Variants in SHTN1 observed in about 807,000 individuals in gnomAD.
SHTN1 encodes shootin-1.
A neutral mutation model predicts 83.1 loss-of-function variants in SHTN1; 42 were observed. The ratio of observed to expected loss-of-function variants is 0.51; its 90% CI spans 0.39 to 0.65. SHTN1 has a LOEUF of 0.65. Among genes scored for constraint, SHTN1 ranks in the 30% least tolerant of loss-of-function variants. The pLI, the probability that SHTN1 is intolerant of heterozygous loss-of-function variation, is 0.00. For synonymous variants in SHTN1, 224 were observed against 247.7 expected (o/e 0.90, Z 0.90); for missense variants, 622 against 737.8 (o/e 0.84, Z 1.82).
chr10:117,054,071 C>T (rs1452424571), intron 1 of SHTN1, among the ~76,000 whole-genome samples: 1 of 152,080 alleles, frequency 6.6e-6, no homozygotes, highest in Non-Finnish European at 1.5e-5. Context: ...TTAGTGATTG[C>T]CAGTGCAAAC....
chr10:116,974,049 T>C (rs542549595), intron 2 of SHTN1: 2 of 1,062,142 alleles, frequency 1.9e-6, no homozygotes, highest in South Asian at 2.8e-5. Flanking sequence ...TCTTTCTCTT[T>C]TGGTGTTCTT....
intron 1 of SHTN1, among the ~76,000 whole-genome samples, chr10:117,001,150 C>G (rs1851811725): frequency 6.6e-6 from 1 of 151,774 alleles, no homozygotes; most frequent in Non-Finnish European, 1.5e-5. Context: ...AGATGTCAAT[C>G]AGTCCAATAA....
rs1466074683 is a variant in SHTN1, at chr10:117,004,943, T to C, written c.58+79A>G. On this transcript the variant is annotated intron_variant, in intron 1 of 16. Coordinates refer to ENST00000355371, the MANE Select transcript of SHTN1 (RefSeq NM_001127211.3). ...CCACGTCTCCCGCCCGGCTTCCAAC[T>C]GCCCTGGCCCCAGCGCCCTGGGGCC... is the stretch of plus-strand genomic sequence containing the variant. 8.2e-6 allele frequency: 11 copies of C among 1,335,944 alleles called. No homozygotes were observed. In the East Asian group the frequency reaches 2.9e-4, roughly 35 times the overall value. The allele number at this position is 1,335,944 out of a possible 1,614,324, so 82.8% of individuals were successfully genotyped here.
At chr10:116,938,550 AAGG>A (rs1849252709) in intron 9 of SHTN1, among the ~76,000 whole-genome samples, 1 of 152,204 alleles carries the variant, frequency 6.6e-6, no homozygotes, top group African/African-American at 2.4e-5. Context: ...TTCATCCCAG[AAGG>A]GCACCTGCCA....
chr10:116,976,040 T>C (rs899535646), intron 2 of SHTN1, among the ~76,000 whole-genome samples: 2 of 152,216 alleles, frequency 1.3e-5, no homozygotes, highest in South Asian at 4.1e-4. Context: ...ACTGTTCACC[T>C]GCTTCTAAAA....
intron 1 of SHTN1, among the ~76,000 whole-genome samples, chr10:117,104,992 AC>A (rs1439408392): frequency 6.6e-6 from 1 of 151,664 alleles, no homozygotes; most frequent in Non-Finnish European, 1.5e-5. Flanking sequence ...TTTGATCACC[AC>A]CACACACCAC....
At chr10:116,908,730 G>A (rs1848072433) in intron 14 of SHTN1, among the ~76,000 whole-genome samples, 1 of 152,140 alleles carries the variant, frequency 6.6e-6, no homozygotes, top group Non-Finnish European at 1.5e-5. Flanking sequence ...TTTTATTGAT[G>A]AATGTATCTT....
intron 3 of SHTN1, among the ~76,000 whole-genome samples, chr10:116,963,238 AT>A (rs1356106337): frequency 1.3e-5 from 2 of 149,246 alleles, no homozygotes; most frequent in Non-Finnish European, 3.0e-5. Flanking sequence ...CGCCCGGCTA[AT>A]TTTTTTGTAT....
chr10:116,982,397 C>T (rs572972950), intron 1 of SHTN1, among the ~76,000 whole-genome samples: 17 of 152,212 alleles, frequency 1.1e-4, no homozygotes, highest in African/African-American at 4.1e-4. Flanking sequence ...AGCTCACTAC[C>T]ATAAACAACA....
At position 116,886,298 on chromosome 10, in the gene SHTN1, C is replaced by T. The variant is rs1309525997; in HGVS notation, c.*46G>A. 2 of 1,551,050 alleles carry T rather than the reference C, an allele frequency of 1.3e-6. No individual in the cohort carries two copies. Among genetic ancestry groups the T allele is most frequent in the Admixed American group, 2.0e-5 (1 of 50,928 alleles). On this transcript the variant is annotated 3_prime_UTR_variant, in exon 17 of 17. Transcript: ENST00000355371. ...CCAATATAACAACACTAATCATGTG[C>T]TTATTGAAAAGGACTTCCAAACATG...
chr10:116,960,615 T>C (rs1320532126), intron 3 of SHTN1, among the ~76,000 whole-genome samples: 1 of 152,112 alleles, frequency 6.6e-6, no homozygotes, highest in African/African-American at 2.4e-5. Context: ...TTCTCAGCAG[T>C]GTATAACACA....
chr10:116,937,432 G>T (rs979026156), intron 9 of SHTN1, among the ~76,000 whole-genome samples: 12 of 152,092 alleles, frequency 7.9e-5, no homozygotes, highest in African/African-American at 2.7e-4. Context: ...GCTTAGTTTG[G>T]CTGGATATGA....
chr10:116,920,132 T>C (rs1397447368), intron 12 of SHTN1, among the ~76,000 whole-genome samples: 3 of 152,132 alleles, frequency 2.0e-5, no homozygotes, highest in Non-Finnish European at 1.5e-5. Context: ...TCACAATGCA[T>C]GGTAATGAGC....
At chr10:117,122,912 A>C (rs982927666) in intron 1 of SHTN1, among the ~76,000 whole-genome samples, 1 of 152,220 alleles carries the variant, frequency 6.6e-6, no homozygotes, top group Admixed American at 6.5e-5. Flanking sequence ...AAGTTCTGAG[A>C]AAGGTGACTC....
At chr10:116,990,145 T>A (rs894440688) in intron 1 of SHTN1, among the ~76,000 whole-genome samples, 6 of 152,154 alleles carry the variant, frequency 3.9e-5, no homozygotes, top group Non-Finnish European at 7.3e-5. Flanking sequence ...GGAAAAAAAA[T>A]TTGAAATTTA....
At chr10:116,944,018 A>G (rs1350614674) in intron 8 of SHTN1, among the ~76,000 whole-genome samples, 1 of 152,166 alleles carries the variant, frequency 6.6e-6, no homozygotes, top group Non-Finnish European at 1.5e-5. Context: ...TAAGAGGAAG[A>G]TCAGTAGGCT....
chr10:116,890,753 AACTT>A (rs1386851042), intron 16 of SHTN1, among the ~76,000 whole-genome samples: 2 of 152,258 alleles, frequency 1.3e-5, no homozygotes, highest in East Asian at 3.8e-4. Context: ...CAGGTGGGGC[AACTT>A]ACTAGTAAAA....
chr10:117,054,696 C>T (rs747253506), intron 1 of SHTN1, among the ~76,000 whole-genome samples: 11 of 151,894 alleles, frequency 7.2e-5, no homozygotes, highest in South Asian at 2.1e-4. Context: ...CGTGAGCCAC[C>T]GCACCTGGCC....
chr10:117,039,015 C>G (rs1852544672), intron 2 of SHTN1, among the ~76,000 whole-genome samples: 1 of 152,174 alleles, frequency 6.6e-6, no homozygotes, highest in Non-Finnish European at 1.5e-5. Flanking sequence ...GAGTTAAAAA[C>G]TTGTATCCCA....
Sources: allele counts gnomAD v4.1 joint callset (sites outside exome capture counted in the v4.1 genomes callset), GRCh38; gene constraint gnomAD v4.1.1; transcripts MANE v1.5; gene names NCBI Gene and HGNC (gene_info 2026-07-23, HGNC 2026-07-21).